NTRK1: variants seen among roughly 807,000 people sequenced by gnomAD.
NTRK1 encodes neurotrophic receptor tyrosine kinase 1.
A neutral mutation model predicts 86.8 loss-of-function variants in NTRK1; 62 were observed. That is an observed-to-expected ratio of 0.71 (90% CI 0.58 to 0.88). The LOEUF (loss-of-function observed/expected upper bound fraction) is 0.88. NTRK1 is among the 40% of genes least tolerant of loss of function. The probability of loss-of-function intolerance (pLI) is 0.00; values close to 1 mark genes in which losing one functional copy is unlikely to be tolerated. For missense variants in NTRK1, 967 were observed against 1,078.4 expected, an observed-to-expected ratio of 0.90 and a Z score of 1.45; for synonymous variants, 469 against 456.6, an observed-to-expected ratio of 1.03 and a Z score of -0.35.
intron 1 of NTRK1, among the ~76,000 whole-genome samples, chr1:156,838,056 C>T (rs1035711341): frequency 6.6e-6 from 1 of 152,150 alleles, no homozygotes; most frequent in Non-Finnish European, 1.5e-5. Context: ...AACTGTGAGC[C>T]TAGAGGAAGA....
intron 15 of NTRK1, 69 bp from the exon 16 acceptor site, chr1:156,879,930 G>A (rs2102926657): frequency 6.3e-7 from 1 of 1,581,368 alleles, no homozygotes; most frequent in Non-Finnish European, 8.6e-7. Context: ...TGATGGGGCT[G>A]GGGTAGGCTG....
intron 1 of NTRK1, among the ~76,000 whole-genome samples, chr1:156,825,417 T>G (rs191954004): frequency 2.6e-5 from 4 of 152,208 alleles, no homozygotes; most frequent in Non-Finnish European, 5.9e-5. Flanking sequence ...AATATGGTGA[T>G]CAAGGGAATC....
intron 2 of NTRK1, chr1:156,844,969 C>T (rs533050574): frequency 6.5e-7 from 1 of 1,540,260 alleles, no homozygotes; most frequent in Non-Finnish European, 8.8e-7. Context: ...CTGAGAGGGG[C>T]AAGCAAAGCG....
chr1:156,844,735 T>C (rs1558085402), intron 2 of NTRK1: 9 of 1,614,100 alleles, frequency 5.6e-6, no homozygotes, highest in Non-Finnish European at 7.6e-6. Context: ...CTTGATTTCG[T>C]ACTTGAGGAT....
intron 1 of NTRK1, among the ~76,000 whole-genome samples, chr1:156,823,371 C>T (rs374643393): frequency 8.5e-5 from 13 of 152,314 alleles, no homozygotes; most frequent in South Asian, 6.2e-4. Context: ...CAACAGGCCA[C>T]GCCATCATTC....
chr1:156,841,714 C>T (rs1317248793), intron 1 of NTRK1: 1 of 1,614,112 alleles, frequency 6.2e-7, no homozygotes, highest in Non-Finnish European at 8.5e-7. Flanking sequence ...GACTCGGGGG[C>T]CATCCAGCGC....
intron 1 of NTRK1, among the ~76,000 whole-genome samples, chr1:156,821,556 G>A (rs1654192719): frequency 6.6e-6 from 1 of 151,538 alleles, no homozygotes; most frequent in Admixed American, 6.6e-5. Flanking sequence ...AGGATGAGTA[G>A]GATTGAAGAA....
chr1:156,879,768 G>A (rs1437269088), intron 15 of NTRK1, among the ~76,000 whole-genome samples: 2 of 152,022 alleles, frequency 1.3e-5, no homozygotes, highest in African/African-American at 4.8e-5. Context: ...ACGCCATCAC[G>A]CCCAACTAAT....
intron 1 of NTRK1, chr1:156,816,004 A>G (rs1196103452): frequency 1.2e-6 from 2 of 1,613,490 alleles, no homozygotes; most frequent in Admixed American, 1.7e-5. Context: ...GTTTCCACTC[A>G]CCGCAGTGTA....
intron 6 of NTRK1, among the ~76,000 whole-genome samples, chr1:156,871,382 G>A (rs148946763): frequency 2.2e-4 from 33 of 152,110 alleles, no homozygotes; most frequent in African/African-American, 7.5e-4. Flanking sequence ...GTAAGACCCC[G>A]TCGCTACAAA....
chr1:156,849,623 C>T (rs1251510944), intron 2 of NTRK1, among the ~76,000 whole-genome samples: 1 of 152,202 alleles, frequency 6.6e-6, no homozygotes, highest in Non-Finnish European at 1.5e-5. Flanking sequence ...TGCATACCCA[C>T]TCTGTGCCAC....
In NTRK1 at chr1:156,874,846, C is replaced by T. The variant is rs1362939553; in HGVS notation, c.1252-60C>T. ...TGCAGGATGAAAAAATGGCTTACTA[C>T]AGGAGGCTCTGAGAGTACAGGAGGA... is the stretch of plus-strand genomic sequence containing the variant. On this transcript the variant is annotated intron_variant, in intron 10 of 16. Coordinates refer to ENST00000524377, the MANE Select transcript of NTRK1 (RefSeq NM_002529.4). 4.5e-6 allele frequency: 6 copies of T among 1,347,142 alleles called. No homozygotes were observed. In the Admixed American group the frequency reaches 5.0e-5, roughly 11 times the overall value. 83.4% of individuals were successfully genotyped at this position (1,347,142 alleles called of 1,614,324 possible).
Position 156,846,186 on chromosome 1 carries a change from GC to G in NTRK1, c.50+3996del, listed in dbSNP as rs200027061. On this transcript the variant is annotated intron_variant, in intron 2 of 16. Transcript: ENST00000392302. ...CCTCCTGAATACTATCTAGTAATGA[GC>G]CCTCCTTTCTGGGGTCCAACAGCCT... is the stretch of plus-strand genomic sequence containing the variant. The G allele has an allele frequency of 1.5e-3, 2,152 of 1,462,994 alleles. 24 individuals are homozygous for G. The African/African-American group carries it at 0.027, about 19-fold the overall frequency. 90.6% of individuals were successfully genotyped at this position (1,462,994 alleles called of 1,614,324 possible). A position where few individuals can be genotyped will look rare whatever the true frequency, so the allele number is the denominator to read the frequency against.
intron 4 of NTRK1, among the ~76,000 whole-genome samples, chr1:156,867,802 T>C (rs1273458651): frequency 6.6e-6 from 1 of 152,072 alleles, no homozygotes; most frequent in Non-Finnish European, 1.5e-5. Context: ...GCCTCCTGAG[T>C]AGGTGGGACT....
chr1:156,836,405 C>T (rs1467470689), intron 1 of NTRK1, among the ~76,000 whole-genome samples: 1 of 152,232 alleles, frequency 6.6e-6, no homozygotes, highest in Non-Finnish European at 1.5e-5. Context: ...TTTCTCTCCT[C>T]ATGACCTACC....
At chr1:156,847,054 T>C (rs1655040040) in intron 2 of NTRK1, among the ~76,000 whole-genome samples, 3 of 152,182 alleles carry the variant, frequency 2.0e-5, no homozygotes, top group Admixed American at 6.5e-5. Context: ...CAAGAAAGTG[T>C]GTGTGAAAGA....
intron 2 of NTRK1, chr1:156,845,927 C>A (rs1371147209): frequency 6.2e-7 from 1 of 1,605,940 alleles, no homozygotes; most frequent in Admixed American, 1.7e-5. Context: ...GCCCCGCGGC[C>A]GGCCTGCGCG....
chr1:156,821,453 CTGTGTGTGTGTGTG>C (rs59579534), intron 1 of NTRK1, among the ~76,000 whole-genome samples: 9 of 137,940 alleles, frequency 6.5e-5, no homozygotes, highest in Non-Finnish European at 6.2e-5. Context: ...CTAATTTAGC[CTGTGTGTGTGTGTG>C]TGTGTGTGTG....
At chr1:156,817,701 G>A (rs867723751) in intron 1 of NTRK1, among the ~76,000 whole-genome samples, 6 of 148,858 alleles carry the variant, frequency 4.0e-5, no homozygotes, top group Admixed American at 3.3e-4. Flanking sequence ...GGACTGCAGT[G>A]GCACAATCTC....
Sources: allele counts gnomAD v4.1 joint callset (sites outside exome capture counted in the v4.1 genomes callset), GRCh38; gene constraint gnomAD v4.1.1; transcripts MANE v1.5; gene names NCBI Gene and HGNC (gene_info 2026-07-23, HGNC 2026-07-21).